NOL4L: variants seen among roughly 807,000 people sequenced by gnomAD.
NOL4L encodes nucleolar protein 4 like, also known as nucleolar protein 4-like.
Under a neutral mutation model 64.5 loss-of-function variants are expected in NOL4L, and 7 were observed. That is an observed-to-expected ratio of 0.11 (90% CI 0.06 to 0.20). NOL4L has a LOEUF of 0.20. Ranked by LOEUF, NOL4L falls within the 10% of genes least tolerant of loss-of-function variation. The pLI is 1.00. For missense variants in NOL4L, 680 were observed against 967.1 expected, an observed-to-expected ratio of 0.70 and a Z score of 3.94; for synonymous variants, 413 against 401.0, an observed-to-expected ratio of 1.03 and a Z score of -0.36.
At chr20:32,457,546 T>A (rs1464327538) in intron 5 of NOL4L, among the ~76,000 whole-genome samples, 2 of 143,504 alleles carry the variant, frequency 1.4e-5, no homozygotes, top group Non-Finnish European at 3.0e-5. Flanking sequence ...AGCGTCCCCA[T>A]GGCGACCGAG....
intron 1 of NOL4L, among the ~76,000 whole-genome samples, chr20:32,533,728 G>C (rs559330143): frequency 8.5e-5 from 13 of 152,314 alleles, no homozygotes; most frequent in African/African-American, 3.1e-4. Flanking sequence ...CCCTGGCAAA[G>C]TTAATAAATA....
At chr20:32,478,417 A>C (rs1432061604) in intron 4 of NOL4L, among the ~76,000 whole-genome samples, 1 of 152,136 alleles carries the variant, frequency 6.6e-6, no homozygotes, top group Non-Finnish European at 1.5e-5. Context: ...GTTAGCTAGG[A>C]AAAGGGACCA....
intron 1 of NOL4L, chr20:32,532,430 A>G: frequency 4.2e-6 from 4 of 957,158 alleles, no homozygotes; most frequent in Non-Finnish European, 5.0e-6. Context: ...AGAAGACAGC[A>G]ACAAAGGGAT....
At chr20:32,576,555 T>C (rs1458778515) in intron 1 of NOL4L, among the ~76,000 whole-genome samples, 1 of 152,064 alleles carries the variant, frequency 6.6e-6, no homozygotes, top group African/African-American at 2.4e-5. Flanking sequence ...ATTGGGACCT[T>C]GAGTGAGTTC....
At chr20:32,558,399 G>A (rs771826667) in intron 1 of NOL4L, among the ~76,000 whole-genome samples, 14 of 152,194 alleles carry the variant, frequency 9.2e-5, no homozygotes, top group African/African-American at 2.4e-4. Context: ...GAAACATTCC[G>A]TCATGGGAGC....
At chr20:32,526,371 C>A (rs149874427) in intron 2 of NOL4L, among the ~76,000 whole-genome samples, 4 of 152,066 alleles carry the variant, frequency 2.6e-5, no homozygotes, top group East Asian at 3.9e-4. Flanking sequence ...GGCGGGGAGA[C>A]CATCACCATC....
At chr20:32,561,880 TC>T (rs1046185650) in intron 1 of NOL4L, among the ~76,000 whole-genome samples, 1 of 152,072 alleles carries the variant, frequency 6.6e-6, no homozygotes, top group Non-Finnish European at 1.5e-5. Context: ...TCCCAGCTAT[TC>T]GGGAGGCTGA....
chr20:32,562,796 G>A (rs1979115047), intron 1 of NOL4L, among the ~76,000 whole-genome samples: 1 of 151,296 alleles, frequency 6.6e-6, no homozygotes, highest in South Asian at 2.1e-4. Flanking sequence ...TGCTCCTGCA[G>A]GAGGGGCCTT....
At chr20:32,572,893 T>A (rs6119901) in intron 1 of NOL4L, among the ~76,000 whole-genome samples, 5,943 of 152,276 alleles carry the variant, frequency 0.039, 366 homozygotes, top group African/African-American at 0.14. Flanking sequence ...CCGGACTCCA[T>A]GTCCGTAAGG....
At chr20:32,473,938 C>A (rs998312070) in intron 5 of NOL4L, among the ~76,000 whole-genome samples, 2 of 152,232 alleles carry the variant, frequency 1.3e-5, no homozygotes, top group African/African-American at 2.4e-5. Flanking sequence ...AGAGCCCAAC[C>A]ACTTGGGGGA....
intron 5 of NOL4L, among the ~76,000 whole-genome samples, chr20:32,459,606 A>C (rs2013865479): frequency 6.6e-6 from 1 of 152,150 alleles, no homozygotes; most frequent in South Asian, 2.1e-4. Flanking sequence ...GCTGGTCTCG[A>C]ATTCATGACC....
At chr20:32,485,057 CCAAAAAA>C (rs2016000471) in intron 4 of NOL4L, among the ~76,000 whole-genome samples, 1 of 18,440 alleles carries the variant, frequency 5.4e-5, no homozygotes, top group African/African-American at 4.0e-4. Context: ...GGGGAAATTG[CCAAAAAA>C]AAAAAAAAAA....
intron 4 of NOL4L, among the ~76,000 whole-genome samples, chr20:32,485,093 A>AAAAAAAAAAAAAAAAAAAAAATG: frequency 8.7e-6 from 1 of 114,588 alleles, no homozygotes; most frequent in South Asian, 3.0e-4. Context: ...AAAAACAACT[A>AAAAAAAAAAAAAAAAAAAAAATG]AAAAAAAACC....
At chr20:32,483,897 C>A (rs1480998752) in intron 4 of NOL4L, among the ~76,000 whole-genome samples, 2 of 145,104 alleles carry the variant, frequency 1.4e-5, no homozygotes, top group African/African-American at 5.2e-5. Context: ...CTGGACGCGC[C>A]GCCGTGCGCT....
chr20:32,583,839 C>T (rs1209425492), intron 1 of NOL4L, among the ~76,000 whole-genome samples: 2 of 148,932 alleles, frequency 1.3e-5, no homozygotes, highest in Admixed American at 1.3e-4. Flanking sequence ...ACCGGGCCGG[C>T]CCGGGGGACG....
intron 1 of NOL4L, among the ~76,000 whole-genome samples, chr20:32,577,965 G>C (rs1980218074): frequency 6.6e-6 from 1 of 152,006 alleles, no homozygotes; most frequent in African/African-American, 2.4e-5. Context: ...ACATTTGGGG[G>C]CCCTACGTGC....
intron 1 of NOL4L, among the ~76,000 whole-genome samples, chr20:32,540,917 C>G (rs922241981): frequency 6.6e-6 from 1 of 150,484 alleles, no homozygotes; most frequent in African/African-American, 2.4e-5. Context: ...ATGAGGAAAC[C>G]GAGGCTCAGA....
intron 5 of NOL4L, among the ~76,000 whole-genome samples, chr20:32,465,980 C>CTTTTT (rs34290597): frequency 7.7e-6 from 1 of 129,120 alleles, no homozygotes; most frequent in Admixed American, 7.7e-5. Flanking sequence ...CACCTCCATT[C>CTTTTT]TTTTTTTTTT....
intron 1 of NOL4L, among the ~76,000 whole-genome samples, chr20:32,557,977 G>A (rs1978768487): frequency 6.6e-6 from 1 of 152,174 alleles, no homozygotes; most frequent in African/African-American, 2.4e-5. Flanking sequence ...ACTTGAGCCT[G>A]GGGAGGTGGA....
Sources: gnomAD v4.1 joint callset for allele counts (sites outside exome capture counted in the v4.1 genomes callset) on GRCh38, gnomAD v4.1.1 for gene constraint, MANE v1.5 for transcripts, NCBI Gene and HGNC (gene_info 2026-07-23, HGNC 2026-07-21) for gene names.